RMND1: variants seen among roughly 807,000 people sequenced by gnomAD.
RMND1 encodes required for meiotic nuclear division 1 homolog, also known as required for meiotic nuclear division protein 1 homolog.
In RMND1, 41 loss-of-function variants were observed where a neutral mutation model predicts 54.0. The observed-to-expected ratio is 0.76, with a 90% CI of 0.59 to 0.98. The LOEUF (loss-of-function observed/expected upper bound fraction) is 0.98. RMND1 is among the 50% of genes least tolerant of loss of function. The pLI, the probability that RMND1 is intolerant of heterozygous loss-of-function variation, is 0.00. For missense variants in RMND1, 457 were observed against 532.0 expected, an observed-to-expected ratio of 0.86 and a Z score of 1.39; for synonymous variants, 183 against 181.7, an observed-to-expected ratio of 1.01 and a Z score of -0.06.
Position 151,405,911 on chromosome 6 carries a change from T to C in RMND1, c.1201-75A>G, listed in dbSNP as rs2114908672. ...CATACACATAAAAATTCTATAGCTATACAGTGAAAAATCCTGCTCCTCAGT... is the reference window on the plus strand; with the variant it reads ...CATACACATAAAAATTCTATAGCTACACAGTGAAAAATCCTGCTCCTCAGT... On this transcript the variant is annotated intron_variant, in intron 10 of 11. Coordinates refer to ENST00000444024, the MANE Select transcript of RMND1 (RefSeq NM_017909.4). The C allele has an allele frequency of 5.6e-6, 4 of 717,762 alleles. No individual in the cohort carries two copies. The East Asian group carries it at 1.1e-4, about 19-fold the overall frequency. The allele number at this position is 717,762 out of a possible 1,614,324, so 44.5% of individuals were successfully genotyped here.
At chr6:151,436,402 C>T (rs751536305) in intron 3 of RMND1, 44 bp downstream of exon 3, 12 of 1,608,954 alleles carry the variant, frequency 7.5e-6, no homozygotes, top group Non-Finnish European at 1.0e-5. Flanking sequence ...GAAAATTATC[C>T]AATACATTTT....
At chr6:151,410,276 G>GGT (rs1562782702) in intron 10 of RMND1, among the ~76,000 whole-genome samples, 1 of 151,966 alleles carries the variant, frequency 6.6e-6, no homozygotes, top group Admixed American at 6.6e-5. Flanking sequence ...AGGATGGTCT[G>GGT]GATCTCCTGA....
chr6:151,414,559 GAAAC>G (rs1779945139), intron 10 of RMND1, among the ~76,000 whole-genome samples: 1 of 152,050 alleles, frequency 6.6e-6, no homozygotes, highest in Non-Finnish European at 1.5e-5. Flanking sequence ...GAACACATTT[GAAAC>G]AAACGAAAAA....
Position 151,405,802 on chromosome 6 carries a change from A to T in RMND1, c.1235T>A (p.Leu412Gln). ...CAGGTGATTCCGCATTAGATCTGTTAGTTCCATGCAGTGCTGAAGTTTTTC... is the reference window on the plus strand; with the variant it reads ...CAGGTGATTCCGCATTAGATCTGTTTGTTCCATGCAGTGCTGAAGTTTTTC... The part of the protein sequence containing the change: ...MNEKLQHCME[L>Q]TDLMRNHLNE... The change falls in exon 11 of 12, where the codon CTA becomes CAA. Residue 412 changes from leucine to glutamine, a missense_variant. Physicochemically the swap from Leu to Gln is moderately radical, Grantham distance 113 (BLOSUM62 -2). Transcript: ENST00000444024. The T allele has an allele frequency of 6.2e-7, 1 of 1,611,304 alleles. No homozygotes were observed. Among genetic ancestry groups the T allele is most frequent in the Non-Finnish European group, 8.5e-7 (1 of 1,177,594 alleles).
intron 2 of RMND1, among the ~76,000 whole-genome samples, chr6:151,440,975 T>C (rs1437865034): frequency 6.6e-6 from 1 of 151,296 alleles, no homozygotes; most frequent in Non-Finnish European, 1.5e-5. Flanking sequence ...GATCTACACC[T>C]TCCTGTTAAA....
chr6:151,414,164 G>C (rs1318176645), intron 10 of RMND1, among the ~76,000 whole-genome samples: 1 of 151,948 alleles, frequency 6.6e-6, no homozygotes, highest in Non-Finnish European at 1.5e-5. Context: ...CAAACTCCTG[G>C]GCTAAAGCAA....
At chr6:151,409,288 A>G (rs1159424814) in intron 10 of RMND1, among the ~76,000 whole-genome samples, 1 of 152,220 alleles carries the variant, frequency 6.6e-6, no homozygotes, top group Non-Finnish European at 1.5e-5. Flanking sequence ...CAGGCTTTCA[A>G]TAAATGTTTG....
chr6:151,421,391 G>A, intron 8 of RMND1, 70 bp from the exon 9 acceptor site: 2 of 1,084,638 alleles, frequency 1.8e-6, no homozygotes, highest in Non-Finnish European at 2.7e-6. Context: ...TAGGTCAACA[G>A]GGCAAAATCT....
chr6:151,420,272 A>G (rs530867488), intron 9 of RMND1, among the ~76,000 whole-genome samples: 11 of 152,312 alleles, frequency 7.2e-5, no homozygotes, highest in African/African-American at 2.4e-4. Context: ...CTCCTGATGG[A>G]TGGGTTTTTA....
Position 151,436,663 on chromosome 6 carries a change from T to G in RMND1, c.505-109A>C, listed in dbSNP as rs896242587. ...TTCTGCAAAGCTAGAACTCCAGAAT[T>G]TTCTTCAAACATCTCCAAGGGTGAT... On this transcript the variant is annotated intron_variant, in intron 2 of 11. Transcript: ENST00000444024. The G allele has an allele frequency of 1.9e-5, 20 of 1,060,750 alleles. No individual in the cohort carries two copies. In the East Asian group the frequency reaches 4.7e-4, roughly 25 times the overall value. The allele number at this position is 1,060,750 out of a possible 1,614,324, so 65.7% of individuals were successfully genotyped here.
At chr6:151,425,257 G>C (rs776493519) in intron 6 of RMND1, among the ~76,000 whole-genome samples, 1 of 152,098 alleles carries the variant, frequency 6.6e-6, no homozygotes, top group Admixed American at 6.6e-5. Context: ...GATGCTTTAT[G>C]AGTAAACTGG....
chr6:151,405,923 T>A, intron 10 of RMND1, 87 bp from the exon 11 acceptor site: 1 of 646,722 alleles, frequency 1.5e-6, no homozygotes, highest in South Asian at 2.0e-5. Flanking sequence ...CAGTGAAAAA[T>A]CCTGCTCCTC....
intron 6 of RMND1, among the ~76,000 whole-genome samples, chr6:151,426,026 C>T (rs1164812839): frequency 6.6e-6 from 1 of 151,308 alleles, no homozygotes; most frequent in East Asian, 2.0e-4. Flanking sequence ...TCATGGCAAC[C>T]TCTGCCTCCC....
intron 3 of RMND1, among the ~76,000 whole-genome samples, chr6:151,435,804 C>T (rs17054367): frequency 0.097 from 14,610 of 150,752 alleles, 2,034 homozygotes; most frequent in African/African-American, 0.31. Flanking sequence ...CATGGTTCTT[C>T]TATAAGACTA....
chr6:151,451,163 A>G, intron 1 of RMND1, among the ~76,000 whole-genome samples: 1 of 148,218 alleles, frequency 6.7e-6, no homozygotes, highest in Non-Finnish European at 1.5e-5. Context: ...ACCCTGCCAA[A>G]TCCCCCTCTG....
chr6:151,428,922 G>A (rs544761935), intron 5 of RMND1, among the ~76,000 whole-genome samples: 1 of 152,056 alleles, frequency 6.6e-6, no homozygotes, highest in African/African-American at 2.4e-5. Flanking sequence ...TAAGAAATGG[G>A]GTTTATCAGC....
chr6:151,405,761 GTGCCCTCTTCTCAT>G lies in RMND1; in HGVS notation c.1262_1275del (p.Asn421ThrfsTer18), dbSNP rs1779595165. The G allele has an allele frequency of 1.2e-6, 2 of 1,609,028 alleles. No homozygotes were observed. The highest frequency in any genetic ancestry group is 1.7e-6 in the Non-Finnish European group (2 of 1,175,478). Reference sequence around the variant, plus strand: ...ATGACAATCATCCACTCCAAGCGGAGTGCCCTCTTCTCATTCAGGTGATTCCGCATTAGATCTGT... The same window carrying G: ...ATGACAATCATCCACTCCAAGCGGAGTCAGGTGATTCCGCATTAGATCTGT... On this transcript the variant is annotated frameshift_variant, in exon 11 of 12. Coordinates refer to ENST00000444024, the MANE Select transcript of RMND1 (RefSeq NM_017909.4). LOFTEE classifies it high-confidence loss of function.
At chr6:151,450,455 G>GGGTCAGCCCCCTGCCC (rs71014587) in intron 1 of RMND1, among the ~76,000 whole-genome samples, 2 of 89,374 alleles carry the variant, frequency 2.2e-5, no homozygotes, top group African/African-American at 9.9e-5. Flanking sequence ...GGAGGTGGGG[G>GGGTCAGCCCCCTGCCC]GGCCAGCCCC....
At chr6:151,424,900 A>G (rs1291431529) in intron 6 of RMND1, among the ~76,000 whole-genome samples, 1 of 150,254 alleles carries the variant, frequency 6.7e-6, no homozygotes, top group East Asian at 1.9e-4. Context: ...GGCATCTGCT[A>G]TGACAGCCTC....
Sources: gnomAD v4.1 joint callset for allele counts (sites outside exome capture counted in the v4.1 genomes callset) on GRCh38, gnomAD v4.1.1 for gene constraint, MANE v1.5 for transcripts, NCBI Gene and HGNC (gene_info 2026-07-23, HGNC 2026-07-21) for gene names.